The following SYCE1 variants were observed in gnomAD, a reference collection of about 807,000 sequenced individuals.
The protein encoded by SYCE1 is cancer/testis antigen 76.
Under a neutral mutation model 55.1 loss-of-function variants are expected in SYCE1, and 37 were observed. The observed-to-expected ratio is 0.67, with a 90% CI of 0.52 to 0.88. The LOEUF is 0.88. Ranked by LOEUF, SYCE1 falls within the 40% of genes least tolerant of loss-of-function variation. The pLI is 0.00. For synonymous variants in SYCE1, 163 were observed against 159.4 expected (o/e 1.02, Z -0.17); for missense variants, 399 against 416.4 (o/e 0.96, Z 0.36).
At chr10:133,564,925 C>A (rs1255173456) in intron 1 of SYCE1, among the ~76,000 whole-genome samples, 1 of 152,186 alleles carries the variant, frequency 6.6e-6, no homozygotes, top group African/African-American at 2.4e-5. Context: ...CCCTCCCTTC[C>A]CAGGGTGAGG....
intron 5 of SYCE1, 60 bp from the exon 6 acceptor site, chr10:133,557,978 G>C: frequency 6.3e-7 from 1 of 1,592,346 alleles, no homozygotes. Context: ...TTTGGCAGGG[G>C]GAACACAGCC....
upstream of SYCE1, chr10:133,568,162 G>C (rs1341243432): frequency 1.1e-6 from 1 of 913,592 alleles, no homozygotes; most frequent in African/African-American, 1.6e-5. Context: ...GGCCGCCCGT[G>C]GGTCCAGCGC....
intron 1 of SYCE1, chr10:133,560,456 TA>T (rs1321024589): frequency 4.9e-6 from 1 of 205,190 alleles, no homozygotes; most frequent in Non-Finnish European, 9.7e-6. Context: ...AATGAGGGTA[TA>T]AAAAACTGGA....
chr10:133,566,578 C>T (rs371810048), upstream of SYCE1, among the ~76,000 whole-genome samples: 43 of 56,766 alleles, frequency 7.6e-4, no homozygotes, highest in Middle Eastern at 0.017. Context: ...TAGGGTTTTA[C>T]GGTTAGGGTC....
intron 2 of SYCE1, chr10:133,559,837 C>T (rs891392046): frequency 7.8e-6 from 4 of 509,682 alleles, no homozygotes; most frequent in African/African-American, 7.7e-5. Context: ...TAATGGACTG[C>T]AGTGGAGCCA....
chr10:133,557,474 T>A, intron 6 of SYCE1: 1 of 484,222 alleles, frequency 2.1e-6, no homozygotes. Context: ...AATCAGGAGG[T>A]GGAGAAATGG....
Position 133,556,189 on chromosome 10 carries a change from C to T in SYCE1, c.529-142G>A, listed in dbSNP as rs28711079. The stretch of plus-strand genomic sequence containing the variant: ...CCCTCTGTGCACACCAGCTACAGTA[C>T]AGCCTCAGGGCCATGGCACTGGCCA... On this transcript the variant is annotated intron_variant, in intron 8 of 12. Coordinates refer to ENST00000343131, the MANE Select transcript of SYCE1 (RefSeq NM_001143764.3). 6,556 of 909,268 alleles carry T rather than the reference C, an allele frequency of 7.2e-3. 260 individuals carry two copies. In the African/African-American group the frequency reaches 0.09, roughly 12 times the overall value. 56.3% of individuals were successfully genotyped at this position (909,268 alleles called of 1,614,324 possible).
chr10:133,560,474 A>C (rs1229816870), intron 1 of SYCE1: 1 of 187,850 alleles, frequency 5.3e-6, no homozygotes, highest in Non-Finnish European at 1.1e-5. Context: ...TGGAGCAAGG[A>C]GTCAAAAATC....
intron 5 of SYCE1, 46 bp downstream of exon 5, chr10:133,558,121 T>C (rs755100): frequency 0.034 from 54,027 of 1,611,534 alleles, 1,606 homozygotes; most frequent in African/African-American, 0.21. Context: ...TGGGCTTCTG[T>C]GGGTTGGCAA....
At chr10:133,556,710 G>T in intron 8 of SYCE1, 49 bp downstream of exon 8, 1 of 1,539,690 alleles carries the variant, frequency 6.5e-7, no homozygotes, top group Non-Finnish European at 8.8e-7. Context: ...TGGGCCTGGT[G>T]CTGCTAGGGA....
intron 8 of SYCE1, chr10:133,556,466 G>A (rs903087135): frequency 5.6e-6 from 3 of 537,994 alleles, no homozygotes; most frequent in Admixed American, 3.1e-5. Flanking sequence ...CCTCCTGGGG[G>A]ACAAACACGG....
chr10:133,563,640 T>C (rs894961180), intron 1 of SYCE1, among the ~76,000 whole-genome samples: 1 of 149,468 alleles, frequency 6.7e-6, no homozygotes, highest in African/African-American at 2.5e-5. Context: ...CAGTGAGCAG[T>C]GATTGTACCA....
At position 133,555,384 on chromosome 10, in the gene SYCE1, G is replaced by A; in HGVS notation, c.885C>T (p.Ser295=). The A allele has an allele frequency of 6.2e-7, 1 of 1,614,044 alleles. No homozygotes were observed. Among genetic ancestry groups the A allele is most frequent in the Non-Finnish European group, 8.5e-7 (1 of 1,179,982 alleles). ...CTGGGCCAGCCTCTTCCTCTTGTGTGCTCTGGGCTTGGGCAGGGACTTGCA... is the reference window on the plus strand; with the variant it reads ...CTGGGCCAGCCTCTTCCTCTTGTGTACTCTGGGCTTGGGCAGGGACTTGCA... ...HGMQVPAQAQ[S]TQEEEAGPGD... is the part of the protein sequence containing the mutation. The change falls in exon 12 of 13, where the codon AGC becomes AGT. Residue 295 remains serine, a synonymous_variant. Transcript: ENST00000343131.
upstream of SYCE1, chr10:133,568,195 G>T: frequency 9.2e-7 from 1 of 1,084,860 alleles, no homozygotes; most frequent in Non-Finnish European, 1.4e-6. Context: ...TACAGTAGCT[G>T]TAGATGCCGA....
intron 5 of SYCE1, 62 bp downstream of exon 5, chr10:133,558,105 G>A: frequency 2.5e-6 from 4 of 1,605,232 alleles, no homozygotes; most frequent in Non-Finnish European, 3.4e-6. Flanking sequence ...GCTGCCATAG[G>A]GAGAGTGGGC....
Position 133,565,553 on chromosome 10 carries a change from G to C in SYCE1, c.-24C>G, listed in dbSNP as rs113445787. ...ATTTCCTCTCAGCTCGCCAGCGAGG[G>C]TGCCTCGGGAGGGAGCCTCCAGTGG... is the stretch of plus-strand genomic sequence containing the variant. On this transcript the variant is annotated 5_prime_UTR_variant, in exon 1 of 13. Transcript: ENST00000343131. The C allele has an allele frequency of 5.6e-4, 871 of 1,547,452 alleles. 9 individuals are homozygous for C. In the African/African-American group the frequency reaches 0.01, roughly 18 times the overall value.
chr10:133,564,643 C>T (rs893987417), intron 1 of SYCE1, among the ~76,000 whole-genome samples: 3 of 152,152 alleles, frequency 2.0e-5, no homozygotes, highest in Non-Finnish European at 2.9e-5. Context: ...ATGGCATTCA[C>T]GCAGGTAGGG....
At chr10:133,563,134 G>C (rs930757268) in intron 1 of SYCE1, among the ~76,000 whole-genome samples, 2 of 151,828 alleles carry the variant, frequency 1.3e-5, no homozygotes, top group African/African-American at 4.9e-5. Context: ...GTTTATCTTT[G>C]TCAACCAGAT....
At chr10:133,564,527 G>C (rs942630727) in intron 1 of SYCE1, 6 of 681,048 alleles carry the variant, frequency 8.8e-6, no homozygotes, top group Non-Finnish European at 1.1e-5. Context: ...TTTGTCCTTC[G>C]CTGGGGCTTT....
Sources: gnomAD v4.1 joint callset for allele counts (sites outside exome capture counted in the v4.1 genomes callset) on GRCh38, gnomAD v4.1.1 for gene constraint, MANE v1.5 for transcripts, NCBI Gene and HGNC (gene_info 2026-07-23, HGNC 2026-07-21) for gene names.